The following FGD5 variants were observed in gnomAD, a reference collection of about 807,000 sequenced individuals.
FGD5 encodes FYVE, RhoGEF and PH domain-containing protein 5.
A neutral mutation model predicts 133.4 loss-of-function variants in FGD5; 28 were observed. That is an observed-to-expected ratio of 0.21 (90% CI 0.16 to 0.29). The LOEUF (loss-of-function observed/expected upper bound fraction) is 0.29. FGD5 is among the 10% of genes least tolerant of loss of function. The pLI is 1.00. For missense variants in FGD5, 1,858 were observed against 1,895.2 expected, an observed-to-expected ratio of 0.98 and a Z score of 0.36; for synonymous variants, 810 against 776.5, an observed-to-expected ratio of 1.04 and a Z score of -0.72.
intron 1 of FGD5, among the ~76,000 whole-genome samples, chr3:14,840,991 C>T (rs2036910581): frequency 1.3e-5 from 2 of 152,240 alleles, no homozygotes; most frequent in African/African-American, 4.8e-5. Context: ...CAGGTGACTG[C>T]AAATACTCCA....
intron 2 of FGD5, among the ~76,000 whole-genome samples, chr3:14,880,305 G>A (rs139891505): frequency 1.3e-5 from 2 of 152,310 alleles, no homozygotes; most frequent in African/African-American, 4.8e-5. Flanking sequence ...AGGGAACTGA[G>A]ATCACGCCAC....
chr3:14,829,783 CA>C (rs1421612618), intron 1 of FGD5, among the ~76,000 whole-genome samples: 1 of 152,140 alleles, frequency 6.6e-6, no homozygotes, highest in Admixed American at 6.5e-5. Flanking sequence ...GAATCTAGCG[CA>C]AAATCTAGCA....
intron 2 of FGD5, among the ~76,000 whole-genome samples, chr3:14,877,171 G>A (rs2037735962): frequency 6.6e-6 from 1 of 152,374 alleles, no homozygotes; most frequent in South Asian, 2.1e-4. Context: ...TCATTTCCTG[G>A]TTAAACAAAC....
intron 6 of FGD5, 109 bp downstream of exon 6, chr3:14,898,204 G>A (rs1176542425): frequency 4.8e-6 from 7 of 1,443,902 alleles, no homozygotes; most frequent in Middle Eastern, 1.8e-4. Flanking sequence ...GGGCTGGGGA[G>A]CAGACAGGGA....
chr3:14,861,014 A>G (rs1014186947), intron 1 of FGD5, among the ~76,000 whole-genome samples: 1 of 152,168 alleles, frequency 6.6e-6, no homozygotes, highest in Admixed American at 6.5e-5. Context: ...ACAGTGTTAA[A>G]AGAATACAGC....
intron 1 of FGD5, among the ~76,000 whole-genome samples, chr3:14,829,931 C>A (rs777708272): frequency 6.6e-6 from 1 of 152,130 alleles, no homozygotes; most frequent in East Asian, 1.9e-4. Context: ...CCGTAGACAG[C>A]GCTGCAGCAA....
rs184112783 is a variant in FGD5 at position 14,821,467 on chromosome 3, C to T, written c.2396C>T (p.Ala799Val). The T allele has an allele frequency of 1.1e-5, 17 of 1,614,006 alleles. No homozygotes were observed. Among genetic ancestry groups the T allele is most frequent in the Admixed American group, 3.3e-5 (2 of 60,024 alleles). ...IPPRRPARAG[A>V]FTKLFEDQSR... ...CCCCGGAGACCTGCCAGGGCTGGCG[C>T]GTTCACGAAGCTGTTTGAAGATCAG... The change falls in exon 1 of 20, where the codon GCG (alanine) becomes GTG (valine). Residue 799 changes from alanine (A) to valine (V), a missense_variant. By Grantham distance (64) the Ala-to-Val change is moderately conservative (BLOSUM62 0). Transcript: ENST00000285046.
rs765601008 is a variant in FGD5 at position 14,820,738 on chromosome 3, G to A, written c.1667G>A (p.Arg556Gln). ...LYPRSFSVEGREIPVSVYQEP... is the reference protein window; with the variant it reads ...LYPRSFSVEGQEIPVSVYQEP... ...CCTCGGTCGTTCTCCGTGGAAGGCC[G>A]AGAGATTCCAGTGTCCGTGTACCAG... Residue 556 changes from arginine (R) to glutamine (Q), a missense_variant, in exon 1 of 20, where the codon CGA becomes CAA. Physicochemically the swap from Arg to Gln is conservative, Grantham distance 43. Around this residue, in one of 3 missense-constraint regions of FGD5, gnomAD observed 1,824 missense variants for 1,848.9 expected, o/e 0.99. Coordinates refer to ENST00000285046, the MANE Select transcript of FGD5 (RefSeq NM_152536.4). 16 of 1,608,384 alleles carry A rather than the reference G, an allele frequency of 9.9e-6. No individual in the cohort carries two copies. The highest frequency in any genetic ancestry group is 2.7e-5 in the African/African-American group (2 of 74,532).
intron 11 of FGD5, among the ~76,000 whole-genome samples, 164 bp downstream of exon 11, chr3:14,911,093 C>T (rs776290380): frequency 6.6e-6 from 1 of 152,158 alleles, no homozygotes; most frequent in Non-Finnish European, 1.5e-5. Flanking sequence ...CACCCTTGGA[C>T]ACCACGCCCA....
intron 1 of FGD5, among the ~76,000 whole-genome samples, chr3:14,835,204 AGC>A (rs2036793523): frequency 6.6e-6 from 1 of 152,238 alleles, no homozygotes; most frequent in Non-Finnish European, 1.5e-5. Flanking sequence ...CGGGTCAGAA[AGC>A]TGGACTACAG....
chr3:14,918,761 G>A lies in FGD5; in HGVS notation c.3497G>A (p.Arg1166His), dbSNP rs536923009. 26 of 1,613,500 alleles carry A rather than the reference G, an allele frequency of 1.6e-5. No homozygotes were observed. The highest frequency in any genetic ancestry group is 6.7e-5 in the African/African-American group (5 of 75,018). ...CTGCTGTTGGTTTTCCAGGTCAGCC[G>A]CCCTGTGATGGAGAAAGTGCCCTAC... ...TLAVANMKVS[R>H]PVMEKVPYAL... Residue 1166 changes from arginine (R) to histidine (H), a missense_variant, in exon 13 of 20, where the codon CGC becomes CAC. Arg to His is a conservative substitution (Grantham distance 29, BLOSUM62 0). Around this residue, in one of 3 missense-constraint regions of FGD5, gnomAD observed 1,824 missense variants for 1,848.9 expected, o/e 0.99. Transcript: ENST00000285046.
At chr3:14,877,260 C>T (rs2037737901) in intron 2 of FGD5, among the ~76,000 whole-genome samples, 1 of 152,260 alleles carries the variant, frequency 6.6e-6, no homozygotes, top group South Asian at 2.1e-4. Flanking sequence ...GCCAGGCCTC[C>T]CCGTTGGCCG....
rs533983142 is a variant in FGD5, at chr3:14,902,413, C to T, written c.3264+1352C>T. Among the ~76,000 whole-genome samples the T allele has an allele frequency of 1.0e-3, 158 of 151,830 alleles. 1 individual carries two copies. The highest frequency in any genetic ancestry group is 3.2e-3 in the African/African-American group (134 of 41,378). On this transcript the variant is annotated intron_variant, in intron 9 of 19. Coordinates refer to ENST00000285046, the MANE Select transcript of FGD5 (RefSeq NM_152536.4). ...CCTGGGCAAAGACATGGAGGTTGGA[C>T]GGTGCATGTTGGAGTTCAGAGAGCC...
Position 14,933,463 on chromosome 3 carries a change from A to G in FGD5, c.*296A>G, listed in dbSNP as rs940001617. 1 of 368,224 alleles carries G rather than the reference A, an allele frequency of 2.7e-6. No homozygotes were observed. Among genetic ancestry groups the G allele is most frequent in the Non-Finnish European group, 5.0e-6 (1 of 200,496 alleles). 22.8% of individuals were successfully genotyped at this position (368,224 alleles called of 1,614,324 possible). On this transcript the variant is annotated 3_prime_UTR_variant, in exon 20 of 20. Coordinates refer to ENST00000285046, the MANE Select transcript of FGD5 (RefSeq NM_152536.4). ...CAGTGAGTTAAAATTTAGTAAGATG[A>G]AGATGTGGAAACCAATGAAAAGTAC...
chr3:14,932,532 C>T, intron 18 of FGD5, 45 bp from the exon 19 acceptor site: 7 of 1,589,240 alleles, frequency 4.4e-6, no homozygotes, highest in South Asian at 2.3e-5. Context: ...AATGACTATG[C>T]AGAGTGTGGT....
At chr3:14,844,401 A>G (rs1250045258) in intron 1 of FGD5, among the ~76,000 whole-genome samples, 3 of 149,442 alleles carry the variant, frequency 2.0e-5, no homozygotes, top group African/African-American at 7.4e-5. Context: ...ACTGCCCTGT[A>G]CCGTGTGGCT....
At chr3:14,907,478 G>C (rs2038362183) in intron 9 of FGD5, among the ~76,000 whole-genome samples, 162 bp from the exon 10 acceptor site, 1 of 152,226 alleles carries the variant, frequency 6.6e-6, no homozygotes, top group South Asian at 2.1e-4. Context: ...GCAGACCCAG[G>C]CTCGGATCCC....
chr3:14,897,132 C>G (rs2038153606), intron 4 of FGD5: 1 of 214,536 alleles, frequency 4.7e-6, no homozygotes, highest in African/African-American at 2.4e-5. Flanking sequence ...TGAACCTCTT[C>G]AAAGATGAAT....
At chr3:14,867,201 A>G (rs181112038) in intron 2 of FGD5, among the ~76,000 whole-genome samples, 4 of 152,276 alleles carry the variant, frequency 2.6e-5, no homozygotes, top group Non-Finnish European at 5.9e-5. Flanking sequence ...CACACAGTAT[A>G]TTGTTTTGTG....
Sources: gnomAD v4.1 joint callset for allele counts (sites outside exome capture counted in the v4.1 genomes callset) on GRCh38, gnomAD v4.1.1 for gene constraint, gnomAD v4.1.1 regional missense constraint, MANE v1.5 for transcripts, NCBI Gene and HGNC (gene_info 2026-07-23, HGNC 2026-07-21) for gene names.